Variants in CTU2 observed in about 807,000 individuals in gnomAD.
The protein encoded by CTU2 is cytosolic thiouridylase subunit 2.
CTU2 carries 80 observed loss-of-function variants against 64.1 expected under a neutral mutation model. That is an observed-to-expected ratio of 1.25 (90% CI 1.04 to 1.50). The LOEUF (loss-of-function observed/expected upper bound fraction) is 1.50. Among genes scored for constraint, CTU2 ranks in the 40% most tolerant of loss-of-function variants. The pLI, the probability that CTU2 is intolerant of heterozygous loss-of-function variation, is 0.00. For missense variants in CTU2, 1,110 were observed against 690.2 expected, an observed-to-expected ratio of 1.61 and a Z score of -6.81; for synonymous variants, 482 against 285.3, an observed-to-expected ratio of 1.69 and a Z score of -6.95.
At chr16:88,709,239 G>A (rs1436583847) in intron 2 of CTU2, 2 of 152,162 alleles carry the variant, frequency 1.3e-5, no homozygotes, top group African/African-American at 2.4e-5. Flanking sequence ...CTATAACTGT[G>A]GCACTGCACT....
rs781297466 is a variant in CTU2, at chr16:88,712,816, G to T, written c.648G>T (p.Pro216=). Residue 216 remains proline, a synonymous_variant, in exon 7 of 15, where the codon CCG becomes CCT. Coordinates refer to ENST00000453996, the MANE Select transcript of CTU2 (RefSeq NM_001012759.3). ...TGGACCCCCAGAACCTGGCAAGACC[G>T]CCTGCCCCTGCCCAGACTGAGGCTC... ...PPLDPQNLAR[P]PAPAQTEALS... 1 of 1,601,028 alleles carries T rather than the reference G, an allele frequency of 6.2e-7. No individual in the cohort carries two copies. Among genetic ancestry groups the T allele is most frequent in the African/African-American group, 1.3e-5 (1 of 74,726 alleles).
chr16:88,714,572 C>G lies in CTU2; in HGVS notation c.1202-15C>G, dbSNP rs759218278. ...TCAGCAGCCCCAGGCTCCGTCACCCCCTCTCTGCTTGCAGACAGTGCCACG... is the reference window on the plus strand; with the variant it reads ...TCAGCAGCCCCAGGCTCCGTCACCCGCTCTCTGCTTGCAGACAGTGCCACG... On this transcript the variant is annotated splice_polypyrimidine_tract_variant and intron_variant, in intron 11 of 14. Coordinates refer to ENST00000453996, the MANE Select transcript of CTU2 (RefSeq NM_001012759.3). 5.6e-6 allele frequency: 9 copies of G among 1,612,526 alleles called. No homozygotes were observed. In the East Asian group the frequency reaches 6.7e-5, roughly 12 times the overall value.
chr16:88,713,457 G>T lies in CTU2; in HGVS notation c.873+10G>T. On this transcript the variant is annotated intron_variant, in intron 8 of 14. Transcript: ENST00000453996. ...CCTGGCCTGGGATACGGTAGGCAGG[G>T]GCCTGGGTGTTCAGGAGGCCCATCC... 4 of 1,569,656 alleles carry T rather than the reference G, an allele frequency of 2.5e-6. No individual in the cohort carries two copies. Among genetic ancestry groups the T allele is most frequent in the Non-Finnish European group, 3.4e-6 (4 of 1,164,280 alleles).
In CTU2 at chr16:88,714,718, G is replaced by C. The variant is rs753781703; in HGVS notation, c.1333G>C (p.Gly445Arg). The C allele has an allele frequency of 6.2e-6, 10 of 1,607,766 alleles. No individual in the cohort carries two copies. Among genetic ancestry groups the C allele is most frequent in the South Asian group, 1.1e-5 (1 of 90,694 alleles). ...SPGVGWAQRC[G>R]QGACRREDPQ... ...AGGGGTGGGCTGGGCCCAGCGCTGT[G>C]GCCAGGGGGCCTGCAGGAGGTGAGT... is the stretch of plus-strand genomic sequence containing the variant. The change falls in exon 12 of 15, where the codon GGC becomes CGC. Residue 445 changes from glycine (G) to arginine (R), a missense_variant. Transcript: ENST00000453996.
In CTU2 at chr16:88,714,162, G is replaced by A. The variant is rs753194868; in HGVS notation, c.1032G>A (p.Arg344=). Residue 344 remains arginine, a synonymous_variant, in exon 10 of 15, where the codon CGG becomes CGA. Coordinates refer to ENST00000453996, the MANE Select transcript of CTU2 (RefSeq NM_001012759.3). ...TKAPEKASIH[R]LMEAFILRLQ... ...CCCCTGAAAAGGCCAGCATCCACCGGCTGATGGAGGCCTTCATCCTCAGGC... is the reference window on the plus strand; with the variant it reads ...CCCCTGAAAAGGCCAGCATCCACCGACTGATGGAGGCCTTCATCCTCAGGC... 4 of 1,612,724 alleles carry A rather than the reference G, an allele frequency of 2.5e-6. No individual in the cohort carries two copies. Among genetic ancestry groups the A allele is most frequent in the South Asian group, 1.1e-5 (1 of 91,086 alleles).
chr16:88,713,450 AGGCAGG>A lies in CTU2; in HGVS notation c.873+7_873+12del. On this transcript the variant is annotated splice_donor_5th_base_variant and intron_variant, in intron 8 of 14. Coordinates refer to ENST00000453996, the MANE Select transcript of CTU2 (RefSeq NM_001012759.3). The stretch of plus-strand genomic sequence containing the variant: ...GGGCCTTCCTGGCCTGGGATACGGT[AGGCAGG>A]GGCCTGGGTGTTCAGGAGGCCCATC... 6.3e-7 allele frequency: 1 copy of A among 1,575,018 alleles called. No individual in the cohort carries two copies. The highest frequency in any genetic ancestry group is 8.6e-7 in the Non-Finnish European group (1 of 1,167,324).
At chr16:88,708,033 C>T (rs571302589) in intron 2 of CTU2, among the ~76,000 whole-genome samples, 72 of 152,234 alleles carry the variant, frequency 4.7e-4, no homozygotes, top group African/African-American at 1.6e-3. Context: ...AGGCTGGTTT[C>T]GAACTCCTGA....
In CTU2 at chr16:88,713,684, T is replaced by A. The variant is rs1349823745; in HGVS notation, c.911T>A (p.Val304Glu). Reference protein sequence around the residue: ...SDERHGDVVVVRPMRDHTLKE... With the variant: ...SDERHGDVVVERPMRDHTLKE... ...GAGCGGCACGGGGACGTGGTGGTGGTGCGGCCCATGCGGGACCACACCCTG... is the reference window on the plus strand; with the variant it reads ...GAGCGGCACGGGGACGTGGTGGTGGAGCGGCCCATGCGGGACCACACCCTG... Residue 304 changes from valine to glutamate, a missense_variant, in exon 9 of 15, where the codon GTG becomes GAG. By Grantham distance (121) the Val-to-Glu change is moderately radical (BLOSUM62 -2). Coordinates refer to ENST00000453996, the MANE Select transcript of CTU2 (RefSeq NM_001012759.3). The A allele has an allele frequency of 6.2e-7, 1 of 1,612,518 alleles. No homozygotes were observed. The highest frequency in any genetic ancestry group is 1.1e-5 in the South Asian group (1 of 91,076).
chr16:88,712,102 G>A (rs72811472), intron 5 of CTU2, 172 bp from the exon 6 acceptor site: 92,924 of 719,962 alleles, frequency 0.13, 6,570 homozygotes, highest in Middle Eastern at 0.17. Context: ...GAGGTCAGCC[G>A]CAAGAGAGAA....
At chr16:88,707,456 C>T (rs758276830) in intron 2 of CTU2, among the ~76,000 whole-genome samples, 2 of 152,098 alleles carry the variant, frequency 1.3e-5, no homozygotes, top group Admixed American at 6.5e-5. Context: ...CTTATGGGGA[C>T]AGTTGGAAGT....
intron 2 of CTU2, among the ~76,000 whole-genome samples, chr16:88,707,797 TTTG>T (rs1054843462): frequency 1.5e-4 from 8 of 52,270 alleles, no homozygotes; most frequent in Admixed American, 6.4e-4. Context: ...GCGTGGTTTT[TTTG>T]TTGTTGTTGT....
chr16:88,715,106 G>C lies in CTU2; in HGVS notation c.1478G>C (p.Arg493Thr), dbSNP rs752971342. The change falls in exon 14 of 15, where the codon AGG becomes ACG. Residue 493 changes from arginine (R) to threonine (T), a missense_variant and splice_region_variant. Coordinates refer to ENST00000453996, the MANE Select transcript of CTU2 (RefSeq NM_001012759.3). ...ILAEAQLRTQ[R>T]AWGLQEIRDC... ...GCTGAGGCCCAGCTCCGCACACAGA[G>C]GTACTGGGGCCCACACTGCCGTGGC... The C allele has an allele frequency of 8.8e-6, 14 of 1,589,624 alleles. No homozygotes were observed. Among genetic ancestry groups the C allele is most frequent in the Admixed American group, 3.4e-5 (2 of 58,216 alleles).
In CTU2 at chr16:88,710,255, C is replaced by T. The variant is rs750193972; in HGVS notation, c.255C>T (p.Ser85=). The change falls in exon 4 of 15, where the codon TCC becomes TCT. Residue 85 remains serine, a synonymous_variant. Coordinates refer to ENST00000453996, the MANE Select transcript of CTU2 (RefSeq NM_001012759.3). ...VLLAWSGGPS[S]SSMVWQVLEG... Reference sequence around the variant, plus strand: ...TGGCGTGGTCTGGGGGGCCTTCGTCCAGCTCCATGGTCTGGCAGGTTCTTG... The same window carrying T: ...TGGCGTGGTCTGGGGGGCCTTCGTCTAGCTCCATGGTCTGGCAGGTTCTTG... 8.4e-5 allele frequency: 136 copies of T among 1,613,936 alleles called. No homozygotes were observed. Among genetic ancestry groups the T allele is most frequent in the Non-Finnish European group, 1.1e-4 (129 of 1,179,996 alleles).
Position 88,715,275 on chromosome 16 carries a change from C to T in CTU2, c.*24C>T. On this transcript the variant is annotated 3_prime_UTR_variant, in exon 15 of 15. Coordinates refer to ENST00000453996, the MANE Select transcript of CTU2 (RefSeq NM_001012759.3). ...GAGCGTGAGGACGTGCTTGCCGGGA[C>T]AGCAGGCAGTGGCCACCTGGTACAC... The T allele has an allele frequency of 7.5e-6, 12 of 1,607,270 alleles. No individual in the cohort carries two copies. Among genetic ancestry groups the T allele is most frequent in the Non-Finnish European group, 1.0e-5 (12 of 1,178,690 alleles).
At chr16:88,715,128 T>G in intron 14 of CTU2, 22 bp downstream of exon 14, 2 of 1,603,092 alleles carry the variant, frequency 1.2e-6, no homozygotes, top group Non-Finnish European at 1.7e-6. Context: ...CACACTGCCG[T>G]GGCGCGTGGG....
In CTU2 at chr16:88,706,692, C is replaced by T. The variant is rs564472212; in HGVS notation, c.68+94C>T. 11 of 985,452 alleles carry T rather than the reference C, an allele frequency of 1.1e-5. No homozygotes were observed. The South Asian group carries it at 2.3e-4, about 21-fold the overall frequency. The allele number at this position is 985,452 out of a possible 1,614,324, so 61.0% of individuals were successfully genotyped here. ...CCCGGCCGGGCTTGCTCCGGGAAGC[C>T]CCGCGTGGAGAGCGGGACCTCGCTC... On this transcript the variant is annotated intron_variant, in intron 1 of 14. Coordinates refer to ENST00000453996, the MANE Select transcript of CTU2 (RefSeq NM_001012759.3).
In CTU2 at chr16:88,712,224, C is replaced by T. The variant is rs1597428592; in HGVS notation, c.344-50C>T. 6 of 1,499,516 alleles carry T rather than the reference C, an allele frequency of 4.0e-6. No individual in the cohort carries two copies. In the East Asian group the frequency reaches 7.3e-5, roughly 18 times the overall value. The allele number at this position is 1,499,516 out of a possible 1,614,324, so 92.9% of individuals were successfully genotyped here. A position where few individuals can be genotyped will look rare whatever the true frequency, so the allele number is the denominator to read the frequency against. On this transcript the variant is annotated intron_variant, in intron 5 of 14. Transcript: ENST00000453996. ...AGGTGGAGGTGGCCCTGCAGCCTGC[C>T]CTGCCTGGCTCCTCTCTGAGCCCTG...
At chr16:88,712,576 C>G in intron 6 of CTU2, 46 bp from the exon 7 acceptor site, 1 of 1,587,398 alleles carries the variant, frequency 6.3e-7, no homozygotes, top group Non-Finnish European at 8.6e-7. Context: ...GTGGGGGGCA[C>G]CTGCCCGTGT....
chr16:88,707,797 T>TTTG (rs1054843462), intron 2 of CTU2, among the ~76,000 whole-genome samples: 1 of 52,270 alleles, frequency 1.9e-5, no homozygotes, highest in East Asian at 6.5e-4. Context: ...GCGTGGTTTT[T>TTTG]TTGTTGTTGT....
Sources: gnomAD v4.1 joint callset for allele counts (sites outside exome capture counted in the v4.1 genomes callset) on GRCh38, gnomAD v4.1.1 for gene constraint, MANE v1.5 for transcripts, NCBI Gene and HGNC (gene_info 2026-07-23, HGNC 2026-07-21) for gene names.